Variants in METTL16 observed in about 807,000 individuals in gnomAD.
METTL16 encodes methyltransferase 16, RNA N6-adenosine, also known as RNA N(6)-adenosine-methyltransferase METTL16.
METTL16 carries 19 observed loss-of-function variants against 57.9 expected under a neutral mutation model. That is an observed-to-expected ratio of 0.33 (90% CI 0.23 to 0.48). The LOEUF (loss-of-function observed/expected upper bound fraction) is 0.48. METTL16 is among the 20% of genes least tolerant of loss of function. The pLI is 0.99. For synonymous variants in METTL16, 246 were observed against 255.6 expected, an observed-to-expected ratio of 0.96 and a Z score of 0.36; for missense variants, 434 against 691.5, an observed-to-expected ratio of 0.63 and a Z score of 4.18.
chr17:2,442,904 C>T (rs1317150736), intron 6 of METTL16, among the ~76,000 whole-genome samples: 1 of 151,138 alleles, frequency 6.6e-6, no homozygotes, highest in East Asian at 1.9e-4. Context: ...CTGGGCTCAC[C>T]GCCACCTCCG....
In METTL16 at chr17:2,420,270, C is replaced by T. The variant is rs372619228; in HGVS notation, c.1389G>A (p.Thr463=). ...CCTTTTCCTCACTCCTTTCATCCTCCGTGGGTTCCGGGTTTTCCTCCTGGG... is the reference window on the plus strand; with the variant it reads ...CCTTTTCCTCACTCCTTTCATCCTCTGTGGGTTCCGGGTTTTCCTCCTGGG... The part of the protein sequence containing the change: ...SLSQEENPEP[T]EDERSEEKGG... The change falls in exon 10 of 10, where the codon ACG becomes ACA. Residue 463 remains threonine (T), a synonymous_variant. Coordinates refer to ENST00000263092, the MANE Select transcript of METTL16 (RefSeq NM_024086.4). The surrounding 1 kb of genome is among the most constrained non-coding windows in gnomAD (Gnocchi z 5.4). 9.3e-6 allele frequency: 15 copies of T among 1,613,864 alleles called. No individual in the cohort carries two copies. Among genetic ancestry groups the T allele is most frequent in the African/African-American group, 8.0e-5 (6 of 75,052 alleles).
intron 8 of METTL16, among the ~76,000 whole-genome samples, chr17:2,435,994 C>T (rs986778701): frequency 2.0e-5 from 3 of 152,008 alleles, no homozygotes; most frequent in African/African-American, 4.8e-5. Context: ...CAGGAGGGCC[C>T]GGAGGACTCG....
chr17:2,479,685 T>C (rs2067291035), intron 2 of METTL16, among the ~76,000 whole-genome samples: 1 of 151,912 alleles, frequency 6.6e-6, no homozygotes, highest in African/African-American at 2.4e-5. Context: ...GATGCTTGAG[T>C]GCCAAGACAG....
chr17:2,442,766 G>GA (rs2066963463), intron 6 of METTL16, among the ~76,000 whole-genome samples: 1 of 151,934 alleles, frequency 6.6e-6, no homozygotes, highest in African/African-American at 2.4e-5. Context: ...CAACTTAGAT[G>GA]AAACAAATTG....
At chr17:2,510,132 A>G (rs949171644) in intron 1 of METTL16, among the ~76,000 whole-genome samples, 3 of 152,210 alleles carry the variant, frequency 2.0e-5, no homozygotes, top group Admixed American at 6.5e-5. Flanking sequence ...AACAAAAAAA[A>G]GTAAACTAAG....
At chr17:2,495,576 T>G (rs1015467571) in intron 2 of METTL16, among the ~76,000 whole-genome samples, 2 of 149,180 alleles carry the variant, frequency 1.3e-5, no homozygotes, top group African/African-American at 5.0e-5. Context: ...GCACCTGTAA[T>G]CCCAGCTAGC....
At chr17:2,461,986 C>T (rs888232500) in intron 6 of METTL16, among the ~76,000 whole-genome samples, 43 of 152,186 alleles carry the variant, frequency 2.8e-4, no homozygotes, top group Non-Finnish European at 6.2e-4. Context: ...AGGAATTCCA[C>T]TTCTAGGTCT....
chr17:2,462,601 A>G (rs1454541450), intron 6 of METTL16, among the ~76,000 whole-genome samples: 1 of 151,814 alleles, frequency 6.6e-6, no homozygotes, highest in Non-Finnish European at 1.5e-5. Flanking sequence ...ATCTCACTAG[A>G]TCTGGTTGTT....
chr17:2,506,420 C>G (rs567538111), intron 1 of METTL16, among the ~76,000 whole-genome samples: 1 of 152,024 alleles, frequency 6.6e-6, no homozygotes, highest in East Asian at 1.9e-4. Context: ...CGAGTGCCTG[C>G]GATTGCAGGC....
chr17:2,505,682 G>A lies in METTL16; in HGVS notation c.1-3351C>T, dbSNP rs143835301. ...GCTGAGACTACAGGTGTGCACCACC[G>A]CACCTGGTTTACAGTAGCCTCTTAA... On this transcript the variant is annotated intron_variant, in intron 1 of 9. Transcript: ENST00000263092. Among the ~76,000 whole-genome samples the A allele has an allele frequency of 9.9e-4, 150 of 151,874 alleles. 1 individual carries two copies. Among genetic ancestry groups the A allele is most frequent in the East Asian group, 1.9e-4 (1 of 5,164 alleles).
chr17:2,486,155 A>G (rs978291473), intron 2 of METTL16, among the ~76,000 whole-genome samples: 1 of 152,220 alleles, frequency 6.6e-6, no homozygotes, highest in Non-Finnish European at 1.5e-5. Context: ...CTGGGGAGGA[A>G]GGCAGGTTCC....
chr17:2,442,607 GAAA>G (rs945539892), intron 6 of METTL16, among the ~76,000 whole-genome samples: 2 of 151,874 alleles, frequency 1.3e-5, no homozygotes, highest in Non-Finnish European at 2.9e-5. Flanking sequence ...TTGAAGTCAA[GAAA>G]AAAAGAAGAC....
In METTL16 at chr17:2,418,283, G is replaced by A. The variant is rs554070115; in HGVS notation, c.*1687C>T. 36 of 152,150 alleles carry A rather than the reference G, an allele frequency of 2.4e-4. No individual in the cohort carries two copies. Among genetic ancestry groups the A allele is most frequent in the Admixed American group, 1.8e-3 (28 of 15,272 alleles). The allele number at this position is 152,150 out of a possible 1,614,324, so 9.4% of individuals were successfully genotyped here. ...GTACATGGACTCTCTGGAGGTCCAC[G>A]GACCAGGTTAAGAACACTGGTCAGA... On this transcript the variant is annotated 3_prime_UTR_variant, in exon 10 of 10. Transcript: ENST00000263092.
intron 2 of METTL16, among the ~76,000 whole-genome samples, chr17:2,485,787 G>C (rs561270838): frequency 2.0e-5 from 3 of 152,132 alleles, no homozygotes; most frequent in Non-Finnish European, 4.4e-5. Flanking sequence ...CGGACGGTCT[G>C]GCGGAGGATA....
At chr17:2,442,508 A>G (rs1363157013) in intron 6 of METTL16, among the ~76,000 whole-genome samples, 2 of 152,032 alleles carry the variant, frequency 1.3e-5, no homozygotes, top group Non-Finnish European at 2.9e-5. Flanking sequence ...AAAAAAAAAG[A>G]TTAGAGCAGA....
At chr17:2,443,046 G>A (rs1051526083) in intron 6 of METTL16, among the ~76,000 whole-genome samples, 2 of 151,940 alleles carry the variant, frequency 1.3e-5, no homozygotes, top group Non-Finnish European at 1.5e-5. Context: ...CTGGAGTGCA[G>A]TGGCGTGATC....
At position 2,443,382 on chromosome 17, in the gene METTL16, A is replaced by C. The variant is rs369562074; in HGVS notation, c.729-1823T>G. Among the ~76,000 whole-genome samples, 42 of 152,322 alleles carry C rather than the reference A, an allele frequency of 2.8e-4. 2 individuals carry two copies. In the South Asian group the frequency reaches 8.7e-3, roughly 32 times the overall value. ...GTGAATTCTACTAAACATTTAAGGA[A>C]GAAATAATATTAATTATATGCAAAC... On this transcript the variant is annotated intron_variant, in intron 6 of 9. Transcript: ENST00000263092.
In METTL16 at chr17:2,444,687, T is replaced by C. The variant is rs187680880; in HGVS notation, c.729-3128A>G. ...CTTCTAGTCCTGCAAGCTCCACTCA[T>C]GGTAAGTGCCCTACACAGATGGACC... On this transcript the variant is annotated intron_variant, in intron 6 of 9. Transcript: ENST00000263092. Among the ~76,000 whole-genome samples, 51 of 151,524 alleles carry C rather than the reference T, an allele frequency of 3.4e-4. 1 individual carries two copies. The East Asian group carries it at 8.8e-3, about 26-fold the overall frequency.
chr17:2,465,344 C>A (rs1413592199), intron 5 of METTL16, among the ~76,000 whole-genome samples: 4 of 151,020 alleles, frequency 2.6e-5, no homozygotes, highest in Non-Finnish European at 5.9e-5. Flanking sequence ...GAGATTGAGA[C>A]CATCCTGGCT....
Sources: gnomAD v4.1 joint callset for allele counts (sites outside exome capture counted in the v4.1 genomes callset) on GRCh38, gnomAD v4.1.1 for gene constraint, Gnocchi (gnomAD v3.1) non-coding constraint, MANE v1.5 for transcripts, NCBI Gene and HGNC (gene_info 2026-07-23, HGNC 2026-07-21) for gene names.